CLDN14: variants seen among roughly 807,000 people sequenced by gnomAD.
CLDN14 encodes the protein claudin 14, also known as claudin-14.
In CLDN14, 2 loss-of-function variants were observed where a neutral mutation model predicts 2.1. The ratio of observed to expected loss-of-function variants is 0.96; its 90% CI spans 0.39 to 3.01. The LOEUF is 3.01. Among genes scored for constraint, CLDN14 ranks in the 30% most tolerant of loss-of-function variants. The pLI is 0.09. For synonymous variants in CLDN14, 136 were observed against 154.4 expected (o/e 0.88, Z 0.88); for missense variants, 298 against 328.0 (o/e 0.91, Z 0.71).
At chr21:36,474,769 G>A (rs545438409) in intron 1 of CLDN14, among the ~76,000 whole-genome samples, 2 of 152,170 alleles carry the variant, frequency 1.3e-5, no homozygotes, top group Non-Finnish European at 2.9e-5. Flanking sequence ...ATGGTTCAGC[G>A]AGGAGGGAAA....
At chr21:36,464,448 G>A (rs991226639) in intron 1 of CLDN14, among the ~76,000 whole-genome samples, 4 of 152,288 alleles carry the variant, frequency 2.6e-5, no homozygotes, top group African/African-American at 4.8e-5. Flanking sequence ...TTTGCCACAC[G>A]CACTATGCAC....
chr21:36,480,747 G>A (rs189498388), upstream of CLDN14: 9 of 152,100 alleles, frequency 5.9e-5, no homozygotes, highest in African/African-American at 2.2e-4. Context: ...CCGCCCCTTC[G>A]TCACTGAGCA....
intron 2 of CLDN14, among the ~76,000 whole-genome samples, chr21:36,502,089 A>G (rs932290876): frequency 6.6e-6 from 1 of 152,200 alleles, no homozygotes; most frequent in African/African-American, 2.4e-5. Context: ...GTAACACACC[A>G]CAATGAGCCA....
At chr21:36,533,484 C>T (rs745874008) in intron 1 of CLDN14, among the ~76,000 whole-genome samples, 2 of 152,124 alleles carry the variant, frequency 1.3e-5, no homozygotes, top group South Asian at 4.1e-4. Flanking sequence ...TAAAGTGGGG[C>T]GCGCCCATTC....
chr21:36,550,075 A>G (rs2087552924), intron 1 of CLDN14, among the ~76,000 whole-genome samples: 1 of 152,162 alleles, frequency 6.6e-6, no homozygotes, highest in Admixed American at 6.5e-5. Flanking sequence ...TGAAAGAATG[A>G]ATGAATTGGA....
At chr21:36,493,166 G>A in intron 2 of CLDN14, among the ~76,000 whole-genome samples, 1 of 152,134 alleles carries the variant, frequency 6.6e-6, no homozygotes. Flanking sequence ...CTGGACTCAA[G>A]GAAATAAAAG....
chr21:36,497,155 G>A (rs1423720635), intron 2 of CLDN14, among the ~76,000 whole-genome samples: 8 of 4,648 alleles, frequency 1.7e-3, no homozygotes, highest in Non-Finnish European at 1.9e-3. Flanking sequence ...GGGAGGAAGG[G>A]AGGGAGGGAG....
At chr21:36,545,788 C>A (rs62230971) in intron 1 of CLDN14, among the ~76,000 whole-genome samples, 1,533 of 152,256 alleles carry the variant, frequency 0.01, 13 homozygotes, top group Non-Finnish European at 0.015. Context: ...TTTTCTTCCC[C>A]TCCCAATTAA....
At chr21:36,541,052 G>A (rs1032641625) in intron 1 of CLDN14, among the ~76,000 whole-genome samples, 2 of 152,184 alleles carry the variant, frequency 1.3e-5, no homozygotes, top group African/African-American at 4.8e-5. Flanking sequence ...GGATGTTAGA[G>A]TTGAGAAAAG....
At chr21:36,574,232 A>G (rs1184553953) in intron 1 of CLDN14, among the ~76,000 whole-genome samples, 1 of 152,238 alleles carries the variant, frequency 6.6e-6, no homozygotes, top group African/African-American at 2.4e-5. Flanking sequence ...TTAACTAAAG[A>G]GTTGCTCAAT....
intron 1 of CLDN14, among the ~76,000 whole-genome samples, chr21:36,465,110 G>T (rs571383246): frequency 3.9e-5 from 6 of 152,278 alleles, no homozygotes; most frequent in South Asian, 2.1e-4. Flanking sequence ...AGGACCAGAG[G>T]CTCCTCCAGG....
intron 1 of CLDN14, among the ~76,000 whole-genome samples, chr21:36,552,288 G>C (rs886085017): frequency 2.0e-5 from 3 of 152,210 alleles, no homozygotes; most frequent in Non-Finnish European, 2.9e-5. Context: ...AAATGAGAAT[G>C]GTTCTGGCAA....
chr21:36,544,492 G>T lies in CLDN14; in HGVS notation c.-220+31919C>A, dbSNP rs537858161. On this transcript the variant is annotated intron_variant, in intron 1 of 2. Coordinates refer to the CLDN14 transcript ENST00000342108. The surrounding 1 kb of genome is among the most constrained non-coding windows in gnomAD (Gnocchi z 4.1). ...GCTATTGACTGTTTGCATAGGAGGG[G>T]ATGGAGTTGGGATTTAGGAAGGAGA... Among the ~76,000 whole-genome samples the T allele has an allele frequency of 6.6e-6, 1 of 152,302 alleles. No homozygotes were observed. The highest frequency in any genetic ancestry group is 2.4e-5 in the African/African-American group (1 of 41,560).
intron 1 of CLDN14, among the ~76,000 whole-genome samples, chr21:36,555,104 C>T (rs1052873244): frequency 3.3e-5 from 5 of 152,196 alleles, no homozygotes; most frequent in African/African-American, 9.7e-5. Flanking sequence ...GTCAAATGAA[C>T]GAGTGAATGG....
At chr21:36,474,579 G>C (rs1451250778) in intron 1 of CLDN14, among the ~76,000 whole-genome samples, 1 of 152,206 alleles carries the variant, frequency 6.6e-6, no homozygotes, top group Non-Finnish European at 1.5e-5. Context: ...AGCTTCGCCA[G>C]ATTGCCAAAG....
chr21:36,481,827 T>A (rs2086847289), upstream of CLDN14, among the ~76,000 whole-genome samples: 1 of 152,290 alleles, frequency 6.6e-6, no homozygotes, highest in East Asian at 1.9e-4. Context: ...AATAGAAAGG[T>A]ATTGATTTGT....
intron 1 of CLDN14, among the ~76,000 whole-genome samples, chr21:36,469,883 T>G (rs1001330834): frequency 1.3e-5 from 2 of 152,148 alleles, no homozygotes; most frequent in African/African-American, 4.8e-5. Flanking sequence ...AATACATGAG[T>G]GCCTTTTCAG....
At chr21:36,519,195 T>C (rs567639371) in intron 1 of CLDN14, among the ~76,000 whole-genome samples, 1 of 152,358 alleles carries the variant, frequency 6.6e-6, no homozygotes, top group African/African-American at 2.4e-5. Context: ...TTTTTAATCA[T>C]ACGAAGGAAC....
intron 2 of CLDN14, chr21:36,485,853 C>CTTTT: frequency 2.4e-6 from 1 of 420,232 alleles, no homozygotes; most frequent in Non-Finnish European, 4.2e-6. Context: ...GTTCCATTTC[C>CTTTT]TTTTTTTTTT....
Sources: gnomAD v4.1 joint callset for allele counts (sites outside exome capture counted in the v4.1 genomes callset) on GRCh38, gnomAD v4.1.1 for gene constraint, Gnocchi (gnomAD v3.1) non-coding constraint, MANE v1.5 for transcripts, NCBI Gene and HGNC (gene_info 2026-07-23, HGNC 2026-07-21) for gene names.